PLPP4: variants seen among roughly 807,000 people sequenced by gnomAD.
The protein encoded by PLPP4 is diacylglycerol pyrophosphate like 2.
In PLPP4, 20 loss-of-function variants were observed where a neutral mutation model predicts 32.2. That is an observed-to-expected ratio of 0.62 (90% CI 0.44 to 0.90). The LOEUF (loss-of-function observed/expected upper bound fraction) is 0.90, where lower values mean the gene tolerates loss of function less well. Among genes scored for constraint, PLPP4 ranks in the 40% least tolerant of loss-of-function variants. PLPP4 has a pLI of 0.00. For synonymous variants in PLPP4, 127 were observed against 133.0 expected (o/e 0.95, Z 0.31); for missense variants, 257 against 353.1 (o/e 0.73, Z 2.18).
chr10:120,505,284 T>C (rs2252051), intron 2 of PLPP4, among the ~76,000 whole-genome samples: 86,664 of 152,134 alleles, frequency 0.57, 25,047 homozygotes, highest in African/African-American at 0.66. Context: ...GGGCAGAGTG[T>C]CTGGGACTCC....
Position 120,589,414 on chromosome 10 carries a change from T to C in PLPP4, c.728T>C (p.Val243Ala). ...ACHKPYVSLRVPASLKKEERP... is the reference protein window; with the variant it reads ...ACHKPYVSLRAPASLKKEERP... ...CATAAACCCTACGTTAGTCTGCGAG[T>C]CCCAGCCTCACTGAAGAAAGAGGAG... Residue 243 changes from valine to alanine, a missense_variant, in exon 7 of 7, where the codon GTC (valine) becomes GCC (alanine). By Grantham distance (64) the Val-to-Ala change is moderately conservative. Transcript: ENST00000398250. 1 of 1,614,054 alleles carries C rather than the reference T, an allele frequency of 6.2e-7. No homozygotes were observed. Among genetic ancestry groups the C allele is most frequent in the Non-Finnish European group, 8.5e-7 (1 of 1,180,034 alleles).
At chr10:120,481,051 G>T (rs1004749209) in intron 1 of PLPP4, among the ~76,000 whole-genome samples, 1 of 152,228 alleles carries the variant, frequency 6.6e-6, no homozygotes, top group Non-Finnish European at 1.5e-5. Context: ...GCCTGTGTCT[G>T]CCTGTGAGAC....
intron 1 of PLPP4, among the ~76,000 whole-genome samples, chr10:120,498,272 AT>A (rs1227954981): frequency 6.6e-6 from 1 of 151,114 alleles, no homozygotes; most frequent in Non-Finnish European, 1.5e-5. Flanking sequence ...AATGATGTTG[AT>A]CATAGTTAAC....
In PLPP4 at chr10:120,590,991, A is replaced by G. The variant is rs555014715; in HGVS notation, c.*1489A>G. ...ACCACGTTGGCCAGGCTGGTCTCGG[A>G]CTCCTAGCCTCAAGTGATCTGCCCA... On this transcript the variant is annotated 3_prime_UTR_variant, in exon 7 of 7. Coordinates refer to ENST00000398250, the MANE Select transcript of PLPP4 (RefSeq NM_001030059.3). Among the ~76,000 whole-genome samples, 1 of 151,670 alleles carries G rather than the reference A, an allele frequency of 6.6e-6. No individual in the cohort carries two copies. The highest frequency in any genetic ancestry group is 2.4e-5 in the African/African-American group (1 of 41,330).
intron 5 of PLPP4, among the ~76,000 whole-genome samples, chr10:120,574,166 ACACTCTCTCTCT>A (rs1452883707): frequency 1.3e-3 from 60 of 47,982 alleles, no homozygotes; most frequent in African/African-American, 1.4e-3. Flanking sequence ...ACACACACAC[ACACTCTCTCTCT>A]CTCTCTCTCT....
At chr10:120,575,059 A>G in intron 5 of PLPP4, 72 bp from the exon 6 acceptor site, 1 of 1,509,406 alleles carries the variant, frequency 6.6e-7, no homozygotes. Flanking sequence ...CGGCAGACGG[A>G]ATGCCCAGCA....
At chr10:120,471,164 C>T (rs921534581) in intron 1 of PLPP4, among the ~76,000 whole-genome samples, 3 of 152,032 alleles carry the variant, frequency 2.0e-5, no homozygotes, top group Admixed American at 1.3e-4. Context: ...TTTCTGTAGT[C>T]TTATTCTTTT....
In PLPP4 at chr10:120,589,737, G is replaced by T; in HGVS notation, c.*235G>T. On this transcript the variant is annotated 3_prime_UTR_variant, in exon 7 of 7. Transcript: ENST00000398250. ...CTGAGAGACGTGTGGAAGAGGCTGTGAAGGTGGGGTTTGGGGAGCTTGGCC... is the reference window on the plus strand; with the variant it reads ...CTGAGAGACGTGTGGAAGAGGCTGTTAAGGTGGGGTTTGGGGAGCTTGGCC... 2 of 514,234 alleles carry T rather than the reference G, an allele frequency of 3.9e-6. No homozygotes were observed. The highest frequency in any genetic ancestry group is 3.5e-5 in the Admixed American group (1 of 28,638). The allele number at this position is 514,234 out of a possible 1,614,324, so 31.9% of individuals were successfully genotyped here. A position where few individuals can be genotyped will look rare whatever the true frequency, so the allele number is the denominator to read the frequency against.
intron 1 of PLPP4, among the ~76,000 whole-genome samples, chr10:120,487,531 C>T (rs1488295403): frequency 1.3e-5 from 2 of 152,176 alleles, no homozygotes; most frequent in Non-Finnish European, 2.9e-5. Context: ...TATTTCTCAG[C>T]TTACTATTAG....
chr10:120,523,408 T>C (rs935973642), intron 5 of PLPP4, among the ~76,000 whole-genome samples: 1 of 152,192 alleles, frequency 6.6e-6, no homozygotes, highest in Non-Finnish European at 1.5e-5. Flanking sequence ...CATGTTTTTT[T>C]CCTCTATGCA....
intron 1 of PLPP4, among the ~76,000 whole-genome samples, chr10:120,463,721 T>A (rs889676472): frequency 6.6e-6 from 1 of 152,194 alleles, no homozygotes; most frequent in African/African-American, 2.4e-5. Context: ...AGTCTCTCTC[T>A]GTTGCCCAGG....
intron 1 of PLPP4, among the ~76,000 whole-genome samples, chr10:120,490,390 G>A (rs1401515379): frequency 1.3e-5 from 2 of 152,216 alleles, no homozygotes; most frequent in Non-Finnish European, 2.9e-5. Flanking sequence ...ACAAAAATGA[G>A]GGCTCCTTAT....
At chr10:120,574,168 A>ACACTCT (rs1849090021) in intron 5 of PLPP4, among the ~76,000 whole-genome samples, 16 of 47,118 alleles carry the variant, frequency 3.4e-4, no homozygotes, top group East Asian at 6.1e-4. Context: ...ACACACACAC[A>ACACTCT]CTCTCTCTCT....
chr10:120,491,090 C>A (rs1844698608), intron 1 of PLPP4, among the ~76,000 whole-genome samples: 2 of 152,104 alleles, frequency 1.3e-5, no homozygotes, highest in South Asian at 4.2e-4. Flanking sequence ...ATTTATTTGG[C>A]CAAGACAGGA....
chr10:120,573,976 G>T (rs758963294), intron 5 of PLPP4, among the ~76,000 whole-genome samples: 1 of 152,058 alleles, frequency 6.6e-6, no homozygotes, highest in Admixed American at 6.5e-5. Flanking sequence ...GTGTGGGCTG[G>T]TTACCTAGGA....
chr10:120,547,878 A>G (rs1847707016), intron 5 of PLPP4, among the ~76,000 whole-genome samples: 1 of 152,088 alleles, frequency 6.6e-6, no homozygotes, highest in African/African-American at 2.4e-5. Context: ...CTAAGCTTTG[A>G]TTTTCTATTT....
intron 5 of PLPP4, among the ~76,000 whole-genome samples, chr10:120,537,613 T>A (rs569778549): frequency 6.6e-6 from 1 of 152,260 alleles, no homozygotes; most frequent in Admixed American, 6.5e-5. Context: ...GAAAACCTAA[T>A]GTACAGGAAG....
intron 5 of PLPP4, among the ~76,000 whole-genome samples, chr10:120,538,988 C>T (rs1375358003): frequency 1.3e-5 from 2 of 152,192 alleles, no homozygotes; most frequent in African/African-American, 4.8e-5. Context: ...CCAGCAGACT[C>T]CACAGGAGAT....
chr10:120,510,654 C>T (rs190496123), intron 2 of PLPP4, among the ~76,000 whole-genome samples: 3 of 152,170 alleles, frequency 2.0e-5, no homozygotes, highest in African/African-American at 7.2e-5. Context: ...GGGGTGCTTA[C>T]TCGCCTCATT....
Sources: gnomAD v4.1 joint callset for allele counts (sites outside exome capture counted in the v4.1 genomes callset) on GRCh38, gnomAD v4.1.1 for gene constraint, MANE v1.5 for transcripts, NCBI Gene and HGNC (gene_info 2026-07-23, HGNC 2026-07-21) for gene names.